The following SHISA9 variants were observed in gnomAD, a reference collection of about 807,000 sequenced individuals.
SHISA9 encodes the protein shisa family member 9.
Under a neutral mutation model 38.0 loss-of-function variants are expected in SHISA9, and 13 were observed. The ratio of observed to expected loss-of-function variants is 0.34; its 90% CI spans 0.22 to 0.54. SHISA9 has a LOEUF of 0.54. Among genes scored for constraint, SHISA9 ranks in the 20% least tolerant of loss-of-function variants. SHISA9 has a pLI of 0.91. For synonymous variants in SHISA9, 275 were observed against 242.0 expected (o/e 1.14, Z -1.27); for missense variants, 538 against 575.8 (o/e 0.93, Z 0.67).
the SHISA9 span, among the ~76,000 whole-genome samples, chr16:13,423,820 C>G: frequency 6.6e-6 from 1 of 152,198 alleles, no homozygotes; most frequent in Non-Finnish European, 1.5e-5. Flanking sequence ...GGTCCTGTTT[C>G]CTTTCTAGCT....
chr16:13,395,818 C>G, the SHISA9 span, among the ~76,000 whole-genome samples: 3 of 152,152 alleles, frequency 2.0e-5, no homozygotes, highest in African/African-American at 7.2e-5. Context: ...TAAATGGAAC[C>G]AGTTCTCATA....
At chr16:13,416,594 C>T in the SHISA9 span, among the ~76,000 whole-genome samples, 1 of 152,116 alleles carries the variant, frequency 6.6e-6, no homozygotes, top group Non-Finnish European at 1.5e-5. Context: ...CACCTGTAGT[C>T]CTAGCTACTT....
chr16:13,055,210 A>T (rs2073296535), intron 2 of SHISA9, among the ~76,000 whole-genome samples: 1 of 152,220 alleles, frequency 6.6e-6, no homozygotes, highest in South Asian at 2.1e-4. Context: ...CCCATTTTAC[A>T]GGTGGGGAAA....
chr16:13,083,499 A>G (rs78419216), intron 2 of SHISA9, among the ~76,000 whole-genome samples: 8,205 of 152,274 alleles, frequency 0.054, 363 homozygotes, highest in Admixed American at 0.14. Flanking sequence ...TGAGGAAAGC[A>G]AGATTGTGCA....
chr16:13,262,663 A>AG, the SHISA9 span, among the ~76,000 whole-genome samples: 966 of 95,826 alleles, frequency 0.01, 5 homozygotes, highest in African/African-American at 0.017. Context: ...GAAGGAAGGA[A>AG]GGAAGGAAGG....
chr16:12,918,076 A>G (rs2071281451), intron 2 of SHISA9, among the ~76,000 whole-genome samples: 2 of 152,194 alleles, frequency 1.3e-5, no homozygotes, highest in Admixed American at 6.6e-5. Context: ...AGGTTTAAAT[A>G]TATTAAATAA....
chr16:13,235,448 C>A lies in SHISA9; in HGVS notation c.*39C>A. The A allele has an allele frequency of 6.7e-7, 1 of 1,496,292 alleles. No individual in the cohort carries two copies. The highest frequency in any genetic ancestry group is 8.9e-7 in the Non-Finnish European group (1 of 1,126,282). 92.7% of individuals were successfully genotyped at this position (1,496,292 alleles called of 1,614,324 possible). A position where few individuals can be genotyped will look rare whatever the true frequency, so the allele number is the denominator to read the frequency against. On this transcript the variant is annotated 3_prime_UTR_variant, in exon 5 of 5. Transcript: ENST00000558583. ...GGAGCACCCTGGAGACCACACTCAA[C>A]TGAGAGAGGCAAAAAACAACCCCGC...
chr16:13,402,443 C>T, the SHISA9 span, among the ~76,000 whole-genome samples: 2 of 152,050 alleles, frequency 1.3e-5, no homozygotes, highest in African/African-American at 4.8e-5. Flanking sequence ...ATTCACCCTT[C>T]CTCCGCTTTT....
At chr16:13,474,730 C>T in the SHISA9 span, among the ~76,000 whole-genome samples, 1 of 152,214 alleles carries the variant, frequency 6.6e-6, no homozygotes, top group Non-Finnish European at 1.5e-5. Context: ...GGGAAGGCCT[C>T]TCTGAGGAGG....
chr16:13,068,443 C>G (rs1209904683), intron 2 of SHISA9, among the ~76,000 whole-genome samples: 1 of 152,232 alleles, frequency 6.6e-6, no homozygotes, highest in Non-Finnish European at 1.5e-5. Flanking sequence ...CTTATTCTCA[C>G]TCTCCCTTCA....
intron 2 of SHISA9, among the ~76,000 whole-genome samples, chr16:13,149,927 A>G (rs2050482383): frequency 6.8e-6 from 1 of 146,306 alleles, no homozygotes; most frequent in Non-Finnish European, 1.5e-5. Flanking sequence ...TCCATCTCAA[A>G]AAAAAGAAAA....
chr16:13,096,624 A>G (rs960121007), intron 2 of SHISA9, among the ~76,000 whole-genome samples: 4 of 152,182 alleles, frequency 2.6e-5, no homozygotes, highest in Admixed American at 2.6e-4. Flanking sequence ...GTAGTTATCC[A>G]AAAGCCTTTC....
At chr16:13,203,623 A>G (rs574027002) in intron 3 of SHISA9, 74 bp downstream of exon 3, 424 of 1,343,484 alleles carry the variant, frequency 3.2e-4, no homozygotes, top group Non-Finnish European at 4.0e-4. Context: ...AGATCTCTTT[A>G]TCTCCAGTTT....
At chr16:13,077,408 C>G (rs1216002508) in intron 2 of SHISA9, among the ~76,000 whole-genome samples, 1 of 152,162 alleles carries the variant, frequency 6.6e-6, no homozygotes, top group Non-Finnish European at 1.5e-5. Flanking sequence ...ATTTTGCACA[C>G]TCAATTTCAA....
intron 2 of SHISA9, among the ~76,000 whole-genome samples, chr16:13,072,619 G>A (rs1319831080): frequency 6.6e-6 from 1 of 152,056 alleles, no homozygotes; most frequent in Non-Finnish European, 1.5e-5. Context: ...GATCAAGTCA[G>A]TCAAAAGTCT....
chr16:13,517,400 G>A, the SHISA9 span, among the ~76,000 whole-genome samples: 4 of 152,144 alleles, frequency 2.6e-5, no homozygotes, highest in South Asian at 2.1e-4. Context: ...CCTAGGAAAC[G>A]AATATGGTTA....
intron 2 of SHISA9, among the ~76,000 whole-genome samples, chr16:13,044,761 C>T (rs992694458): frequency 2.6e-5 from 4 of 152,126 alleles, no homozygotes; most frequent in African/African-American, 4.8e-5. Flanking sequence ...CATTGTGTGA[C>T]GAATGCCACA....
intron 2 of SHISA9, among the ~76,000 whole-genome samples, chr16:13,089,446 T>A (rs1265961244): frequency 1.3e-5 from 2 of 152,202 alleles, no homozygotes; most frequent in Non-Finnish European, 2.9e-5. Flanking sequence ...TTTTTTTGGT[T>A]GGTAGGCTAT....
chr16:12,995,589 A>T (rs2072448208), intron 2 of SHISA9, among the ~76,000 whole-genome samples: 1 of 152,210 alleles, frequency 6.6e-6, no homozygotes, highest in African/African-American at 2.4e-5. Context: ...CATTCAGCCC[A>T]GCAGAAAGGA....
Sources: allele counts gnomAD v4.1 joint callset (sites outside exome capture counted in the v4.1 genomes callset), GRCh38; gene constraint gnomAD v4.1.1; transcripts MANE v1.5; gene names NCBI Gene and HGNC (gene_info 2026-07-23, HGNC 2026-07-21).